SBF2: variants seen among roughly 807,000 people sequenced by gnomAD.
The protein encoded by SBF2 is myotubularin-related protein 13.
SBF2 carries 112 observed loss-of-function variants against 225.2 expected under a neutral mutation model. That is an observed-to-expected ratio of 0.50 (90% CI 0.43 to 0.58). The LOEUF (loss-of-function observed/expected upper bound fraction) is 0.58, where lower values mean the gene tolerates loss of function less well. SBF2 is among the 20% of genes least tolerant of loss of function. The probability of loss-of-function intolerance (pLI) is 0.00; values close to 1 mark genes in which losing one functional copy is unlikely to be tolerated. For synonymous variants in SBF2, 763 were observed against 773.3 expected, an observed-to-expected ratio of 0.99 and a Z score of 0.22; for missense variants, 1,996 against 2,206.2, an observed-to-expected ratio of 0.90 and a Z score of 1.91.
In SBF2 at chr11:9,808,958, A is replaced by G; in HGVS notation, c.4200T>C (p.Leu1400=). Residue 1400 remains leucine (L), a synonymous_variant, in exon 31 of 40, where the codon CTT becomes CTC. Transcript: ENST00000256190. ...MQLAVVVSEV[L]ENGSSVLVCL... ...AGACCAAAACTGAGGAACCATTCTC[A>G]AGTACTTCTGATACAACCACAGCCA... is the stretch of plus-strand genomic sequence containing the variant. The G allele has an allele frequency of 6.2e-7, 1 of 1,613,742 alleles. No individual in the cohort carries two copies. Among genetic ancestry groups the G allele is most frequent in the Non-Finnish European group, 8.5e-7 (1 of 1,179,616 alleles).
At chr11:9,914,610 C>T (rs1862917555) in intron 16 of SBF2, among the ~76,000 whole-genome samples, 1 of 152,090 alleles carries the variant, frequency 6.6e-6, no homozygotes, top group African/African-American at 2.4e-5. Context: ...GGGGAAAATA[C>T]AGACAACCTT....
intron 16 of SBF2, among the ~76,000 whole-genome samples, chr11:9,901,588 C>T (rs1367385251): frequency 2.0e-5 from 3 of 152,170 alleles, no homozygotes; most frequent in Non-Finnish European, 4.4e-5. Context: ...CGACCTAAGG[C>T]CATGCAAGGC....
intron 2 of SBF2, among the ~76,000 whole-genome samples, chr11:10,100,746 C>T (rs149954947): frequency 0.011 from 1,651 of 151,976 alleles, 26 homozygotes; most frequent in African/African-American, 0.037. Flanking sequence ...GTGGAGTATC[C>T]GTCTGTAGCC....
intron 2 of SBF2, among the ~76,000 whole-genome samples, chr11:10,162,769 A>T (rs1179782908): frequency 6.6e-6 from 1 of 152,210 alleles, no homozygotes; most frequent in Non-Finnish European, 1.5e-5. Context: ...AAATAGTGAT[A>T]GATGGAAGGA....
At chr11:9,952,750 C>A (rs531608791) in intron 16 of SBF2, among the ~76,000 whole-genome samples, 1 of 152,302 alleles carries the variant, frequency 6.6e-6, no homozygotes, top group South Asian at 2.1e-4. Context: ...CTTCTCCAAC[C>A]ACATTTCTAC....
intron 12 of SBF2, among the ~76,000 whole-genome samples, chr11:9,991,532 T>C (rs1038775485): frequency 6.6e-6 from 1 of 152,216 alleles, no homozygotes; most frequent in African/African-American, 2.4e-5. Flanking sequence ...TGTTCTTTTA[T>C]AGATTTCAAG....
chr11:9,977,343 T>C (rs72857111), intron 13 of SBF2, among the ~76,000 whole-genome samples: 5,391 of 151,874 alleles, frequency 0.035, 140 homozygotes, highest in Middle Eastern at 0.12. Flanking sequence ...AAAAATTAGC[T>C]AGGCATGGTG....
At chr11:9,923,054 G>A (rs983471481) in intron 16 of SBF2, among the ~76,000 whole-genome samples, 1 of 152,124 alleles carries the variant, frequency 6.6e-6, no homozygotes, top group East Asian at 1.9e-4. Context: ...GGCAGACAGA[G>A]TACTGAAGCA....
At chr11:10,002,735 T>C (rs369609159) in intron 6 of SBF2, 46 bp from the exon 7 acceptor site, 4 of 1,578,228 alleles carry the variant, frequency 2.5e-6, no homozygotes, top group Admixed American at 1.7e-5. Context: ...TAATTTTATA[T>C]GTGTTGTCAA....
At chr11:10,071,562 G>A (rs748443391) in intron 2 of SBF2, among the ~76,000 whole-genome samples, 8 of 152,108 alleles carry the variant, frequency 5.3e-5, no homozygotes, top group South Asian at 2.1e-4. Context: ...CGCCGTGCCC[G>A]GCCATTGTGC....
chr11:10,198,572 T>C (rs1957461666), intron 1 of SBF2, among the ~76,000 whole-genome samples: 1 of 152,212 alleles, frequency 6.6e-6, no homozygotes, highest in Admixed American at 6.5e-5. Flanking sequence ...CCAGCAACAT[T>C]AGCTGCTAAA....
chr11:9,780,670 C>T (rs1851945733), intron 39 of SBF2, 154 bp from the exon 40 acceptor site: 1 of 702,804 alleles, frequency 1.4e-6, no homozygotes, highest in Non-Finnish European at 2.6e-6. Flanking sequence ...ACTGTTATTG[C>T]CTTTACTTTT....
At chr11:10,186,415 C>T (rs1956935859) in intron 2 of SBF2, among the ~76,000 whole-genome samples, 1 of 152,116 alleles carries the variant, frequency 6.6e-6, no homozygotes, top group South Asian at 2.1e-4. Flanking sequence ...CACCTGTAGT[C>T]CTAGCTATTC....
intron 17 of SBF2, among the ~76,000 whole-genome samples, chr11:9,871,412 T>C (rs1383443312): frequency 1.3e-5 from 2 of 150,966 alleles, no homozygotes; most frequent in Non-Finnish European, 2.9e-5. Flanking sequence ...CACTGATCAT[T>C]AGAGAAATGA....
At chr11:10,238,500 A>G (rs1268216581) in intron 1 of SBF2, among the ~76,000 whole-genome samples, 1 of 151,450 alleles carries the variant, frequency 6.6e-6, no homozygotes, top group Non-Finnish European at 1.5e-5. Flanking sequence ...TTTCAGGAAT[A>G]CTTCATATTG....
chr11:10,083,862 G>A (rs940154687), intron 2 of SBF2, among the ~76,000 whole-genome samples: 2 of 152,012 alleles, frequency 1.3e-5, no homozygotes, highest in African/African-American at 4.8e-5. Flanking sequence ...TGCAACAAAA[G>A]CAAAAATGGA....
At chr11:9,837,560 G>A (rs1294311896) in intron 26 of SBF2, among the ~76,000 whole-genome samples, 1 of 152,158 alleles carries the variant, frequency 6.6e-6, no homozygotes, top group Non-Finnish European at 1.5e-5. Flanking sequence ...ATTGCTGTGT[G>A]TAAAATAAAC....
intron 1 of SBF2, among the ~76,000 whole-genome samples, chr11:10,286,925 A>T (rs1292425755): frequency 6.6e-6 from 1 of 152,248 alleles, no homozygotes; most frequent in Non-Finnish European, 1.5e-5. Context: ...AAATAAAAAC[A>T]TGAACATGAA....
intron 2 of SBF2, among the ~76,000 whole-genome samples, chr11:10,115,595 C>T (rs1953100007): frequency 6.6e-6 from 1 of 152,152 alleles, no homozygotes. Flanking sequence ...TTGTTTTCTG[C>T]TAAATTCTAG....
Sources: gnomAD v4.1 joint callset for allele counts (sites outside exome capture counted in the v4.1 genomes callset) on GRCh38, gnomAD v4.1.1 for gene constraint, MANE v1.5 for transcripts, NCBI Gene and HGNC (gene_info 2026-07-23, HGNC 2026-07-21) for gene names.